NLGN1: variants seen among roughly 807,000 people sequenced by gnomAD.
The protein encoded by NLGN1 is neuroligin-1.
NLGN1 carries 12 observed loss-of-function variants against 65.5 expected under a neutral mutation model. That is an observed-to-expected ratio of 0.18 (90% CI 0.12 to 0.30). The LOEUF (loss-of-function observed/expected upper bound fraction) is 0.30, where lower values mean the gene tolerates loss of function less well. Ranked by LOEUF, NLGN1 falls within the 10% of genes least tolerant of loss-of-function variation. The pLI, the probability that NLGN1 is intolerant of heterozygous loss-of-function variation, is 1.00. For synonymous variants in NLGN1, 350 were observed against 359.5 expected (o/e 0.97, Z 0.30); for missense variants, 750 against 1,007.1 (o/e 0.74, Z 3.46).
intron 4 of NLGN1, among the ~76,000 whole-genome samples, chr3:174,112,398 C>G (rs1715431759): frequency 6.6e-6 from 1 of 151,852 alleles, no homozygotes; most frequent in African/African-American, 2.4e-5. Context: ...AACAAATTGA[C>G]AACATAGAGT....
chr3:173,733,325 G>A lies in NLGN1; in HGVS notation c.494-74355G>A, dbSNP rs146866589. 3.6e-3 allele frequency among the ~76,000 whole-genome samples: 548 copies of A among 152,174 alleles called. 4 individuals carry two copies. Among genetic ancestry groups the A allele is most frequent in the African/African-American group, 0.012 (516 of 41,524 alleles). ...TGTTCTTATTTTCTATTTTATAGGG[G>A]TAATTACATTTTAGAAGGAAAATCT... On this transcript the variant is annotated intron_variant, in intron 3 of 6. Coordinates refer to ENST00000457714, the Ensembl canonical transcript of NLGN1.
At chr3:173,755,621 G>A (rs999270485) in intron 3 of NLGN1, among the ~76,000 whole-genome samples, 5 of 152,026 alleles carry the variant, frequency 3.3e-5, no homozygotes, top group Non-Finnish European at 7.4e-5. Flanking sequence ...GAGTGGCAAG[G>A]TTGGAGTTCA....
At chr3:173,757,652 C>T (rs1486225513) in intron 3 of NLGN1, among the ~76,000 whole-genome samples, 1 of 151,808 alleles carries the variant, frequency 6.6e-6, no homozygotes, top group Non-Finnish European at 1.5e-5. Flanking sequence ...TCGTTTATGT[C>T]CTGATTCAAA....
intron 4 of NLGN1, among the ~76,000 whole-genome samples, chr3:174,048,382 T>C (rs1276639203): frequency 6.6e-6 from 1 of 152,046 alleles, no homozygotes; most frequent in Admixed American, 6.6e-5. Context: ...AATTATAGTT[T>C]AAGTGCCCGT....
intron 4 of NLGN1, among the ~76,000 whole-genome samples, chr3:174,211,306 G>T (rs183421245): frequency 2.6e-5 from 4 of 152,244 alleles, no homozygotes; most frequent in African/African-American, 7.2e-5. Context: ...TGGTAGAGCC[G>T]AGTGGCCTGT....
chr3:174,218,218 A>G (rs892319352), intron 4 of NLGN1, among the ~76,000 whole-genome samples: 1 of 152,060 alleles, frequency 6.6e-6, no homozygotes, highest in Non-Finnish European at 1.5e-5. Context: ...ACTATGACTA[A>G]TACCATTCAT....
At chr3:173,502,919 C>T (rs1370340982) in intron 2 of NLGN1, among the ~76,000 whole-genome samples, 2 of 152,048 alleles carry the variant, frequency 1.3e-5, no homozygotes, top group African/African-American at 4.8e-5. Flanking sequence ...TTGCTGTTCA[C>T]TGTAGTTACA....
intron 4 of NLGN1, among the ~76,000 whole-genome samples, chr3:173,839,092 C>CTTT (rs11376148): frequency 1.1e-3 from 149 of 135,996 alleles, no homozygotes; most frequent in African/African-American, 3.6e-3. Context: ...AATTGGATGA[C>CTTT]TTTTTTTTTT....
intron 2 of NLGN1, among the ~76,000 whole-genome samples, chr3:173,562,916 A>T (rs1743001303): frequency 6.6e-6 from 1 of 152,194 alleles, no homozygotes; most frequent in Non-Finnish European, 1.5e-5. Context: ...CTCCACCAAG[A>T]TGTCTAATAA....
At chr3:173,652,398 G>A (rs930918006) in intron 3 of NLGN1, among the ~76,000 whole-genome samples, 5 of 151,968 alleles carry the variant, frequency 3.3e-5, no homozygotes, top group Non-Finnish European at 7.4e-5. Flanking sequence ...TGATAGTTTC[G>A]GGTCTTACAT....
intron 4 of NLGN1, among the ~76,000 whole-genome samples, chr3:173,851,340 ATTGT>A (rs1247570481): frequency 5.9e-5 from 9 of 152,200 alleles, no homozygotes; most frequent in South Asian, 2.1e-4. Context: ...AGTTTCTTTT[ATTGT>A]TTAAGTCTTT....
intron 4 of NLGN1, among the ~76,000 whole-genome samples, chr3:174,165,211 T>C (rs2152725926): frequency 6.6e-6 from 1 of 152,136 alleles, no homozygotes; most frequent in Non-Finnish European, 1.5e-5. Context: ...GTCTGATTCC[T>C]CTGGCTAGCA....
chr3:173,547,262 T>C (rs1740022422), intron 2 of NLGN1, among the ~76,000 whole-genome samples: 2 of 152,192 alleles, frequency 1.3e-5, no homozygotes, highest in African/African-American at 4.8e-5. Flanking sequence ...CATTATGAAC[T>C]ACAGTCTTGT....
At chr3:174,292,125 T>C in the NLGN1 span, among the ~76,000 whole-genome samples, 3 of 151,084 alleles carry the variant, frequency 2.0e-5, no homozygotes, top group Non-Finnish European at 4.5e-5. Flanking sequence ...TGAATCAGAG[T>C]AGAAGAGGTT....
chr3:174,041,272 G>A (rs1732245219), intron 4 of NLGN1, among the ~76,000 whole-genome samples: 1 of 151,926 alleles, frequency 6.6e-6, no homozygotes, highest in Non-Finnish European at 1.5e-5. Flanking sequence ...CTTCTACTCA[G>A]CACAATTATT....
rs1577717550 is a variant in NLGN1, at chr3:173,646,904, T to C, written c.493+41813T>C. 2.6e-5 allele frequency among the ~76,000 whole-genome samples: 4 copies of C among 152,202 alleles called. No individual in the cohort carries two copies. In the South Asian group the frequency reaches 6.2e-4, roughly 24 times the overall value. ...ATTTAAAAGGCAGAGATTGTCAAGATTGGATAAAAAACAAAATTAAAACAT... is the reference window on the plus strand; with the variant it reads ...ATTTAAAAGGCAGAGATTGTCAAGACTGGATAAAAAACAAAATTAAAACAT... On this transcript the variant is annotated intron_variant, in intron 3 of 6. Transcript: ENST00000457714.
intron 4 of NLGN1, among the ~76,000 whole-genome samples, chr3:174,123,297 G>A (rs887347169): frequency 6.6e-5 from 10 of 152,092 alleles, no homozygotes; most frequent in Non-Finnish European, 1.5e-4. Flanking sequence ...TTTGTTGCTG[G>A]TGAATTACAA....
At chr3:173,948,601 G>A (rs909012008) in intron 4 of NLGN1, among the ~76,000 whole-genome samples, 1 of 152,278 alleles carries the variant, frequency 6.6e-6, no homozygotes, top group African/African-American at 2.4e-5. Context: ...CAGAGTCTAG[G>A]ACAAAGGAAG....
chr3:174,025,319 CA>C (rs1728630851), intron 4 of NLGN1, among the ~76,000 whole-genome samples: 2 of 151,990 alleles, frequency 1.3e-5, no homozygotes. Context: ...ACTTCAAAAG[CA>C]CAAATCAATT....
Sources: allele counts gnomAD v4.1 joint callset (sites outside exome capture counted in the v4.1 genomes callset), GRCh38; gene constraint gnomAD v4.1.1; transcripts MANE v1.5; gene names NCBI Gene and HGNC (gene_info 2026-07-23, HGNC 2026-07-21).